Variants in ZNF862 observed in about 807,000 individuals in gnomAD.
The protein encoded by ZNF862 is zinc finger protein 862.
A neutral mutation model predicts 91.1 loss-of-function variants in ZNF862; 64 were observed. The observed-to-expected ratio is 0.70, with a 90% CI of 0.57 to 0.87. The LOEUF is 0.87. Ranked by LOEUF, ZNF862 falls within the 40% of genes least tolerant of loss-of-function variation. The pLI is 0.00. For missense variants in ZNF862, 1,459 were observed against 1,528.0 expected (o/e 0.95, Z 0.75); for synonymous variants, 631 against 618.1 (o/e 1.02, Z -0.31).
intron 6 of ZNF862, 78 bp downstream of exon 6, chr7:149,859,604 C>CATCAGGGACTGGGTCT: frequency 8.3e-7 from 1 of 1,211,898 alleles, no homozygotes. Context: ...AGCATGAGCT[C>CATCAGGGACTGGGTCT]AGCTGTGCTC....
chr7:149,859,325 A>T, intron 5 of ZNF862, 97 bp from the exon 6 acceptor site: 1 of 1,097,614 alleles, frequency 9.1e-7, no homozygotes, highest in Non-Finnish European at 1.4e-6. Context: ...GAACCCAGAG[A>T]CACCTCTGTG....
At position 149,841,052 on chromosome 7, in the gene ZNF862, C is replaced by T. The variant is rs920426113; in HGVS notation, c.24+2417C>T. The T allele has an allele frequency of 3.0e-5, 30 of 985,412 alleles. No individual in the cohort carries two copies. The East Asian group carries it at 3.4e-3, about 112-fold the overall frequency. 61.0% of individuals were successfully genotyped at this position (985,412 alleles called of 1,614,324 possible). On this transcript the variant is annotated intron_variant, in intron 1 of 7. Transcript: ENST00000223210. ...AGGGTATCTCAGAAAGGTGCTCACC[C>T]TTCCCAAAGATAGTTGTTTTCTAAT...
At chr7:149,848,515 A>G in intron 4 of ZNF862, 83 bp downstream of exon 4, 1 of 1,159,368 alleles carries the variant, frequency 8.6e-7, no homozygotes, top group Non-Finnish European at 1.2e-6. Flanking sequence ...GATGATGGAA[A>G]AAAGAATACT....
At chr7:149,846,981 G>C (rs1321238717) in intron 3 of ZNF862, among the ~76,000 whole-genome samples, 1 of 152,158 alleles carries the variant, frequency 6.6e-6, no homozygotes, top group African/African-American at 2.4e-5. Context: ...CCAGTCTGTT[G>C]GCCTGGCACA....
Position 149,859,471 on chromosome 7 carries a change from T to A in ZNF862, c.1167T>A (p.Ala389=). 1 of 1,589,328 alleles carries A rather than the reference T, an allele frequency of 6.3e-7. No homozygotes were observed. Among genetic ancestry groups the A allele is most frequent in the South Asian group, 1.2e-5 (1 of 86,832 alleles). The change falls in exon 6 of 8, where the codon GCT becomes GCA. Residue 389 remains alanine, a synonymous_variant. Transcript: ENST00000223210. ...PDLISKLERR[A]APWIKDPNGP... ...TGATCTCCAAACTGGAGCGGAGGGC[T>A]GCACCCTGGATCAAGGACCCAAATG... is the stretch of plus-strand genomic sequence containing the variant.
chr7:149,849,859 C>G (rs1279114316), intron 4 of ZNF862, among the ~76,000 whole-genome samples: 3 of 152,190 alleles, frequency 2.0e-5, no homozygotes, highest in African/African-American at 7.2e-5. Context: ...GGAGGCAGCT[C>G]TCAGGACTCT....
chr7:149,841,820 C>T, intron 1 of ZNF862: 1 of 924,756 alleles, frequency 1.1e-6, no homozygotes, highest in Non-Finnish European at 1.3e-6. Context: ...TCTATTATTG[C>T]ACTTATATCT....
intron 4 of ZNF862, among the ~76,000 whole-genome samples, chr7:149,849,371 A>G (rs1433223409): frequency 6.6e-6 from 1 of 152,190 alleles, no homozygotes; most frequent in African/African-American, 2.4e-5. Context: ...GCTGGGCACT[A>G]AAGTACTCTA....
rs753240531 is a variant in ZNF862, at chr7:149,844,580, T to G, written c.25-45T>G. 9 of 1,420,058 alleles carry G rather than the reference T, an allele frequency of 6.3e-6. No individual in the cohort carries two copies. The African/African-American group carries it at 1.1e-4, about 18-fold the overall frequency. 88.0% of individuals were successfully genotyped at this position (1,420,058 alleles called of 1,614,324 possible). A position where few individuals can be genotyped will look rare whatever the true frequency, so the allele number is the denominator to read the frequency against. On this transcript the variant is annotated intron_variant, in intron 1 of 7. Coordinates refer to ENST00000223210, the MANE Select transcript of ZNF862 (RefSeq NM_001099220.3). ...GTCAGGAACACTTTTGGAAGATAAA[T>G]CTAAGGAAGAGAGTGGTACTTAGCA...
At chr7:149,852,736 T>A (rs1802109081) in intron 5 of ZNF862, 1 of 151,850 alleles carries the variant, frequency 6.6e-6, no homozygotes, top group Non-Finnish European at 1.5e-5. Context: ...ATCCCACTGT[T>A]AAGAAACTAA....
At chr7:149,857,765 T>G (rs905710482) in intron 5 of ZNF862, among the ~76,000 whole-genome samples, 1 of 152,114 alleles carries the variant, frequency 6.6e-6, no homozygotes, top group Admixed American at 6.5e-5. Flanking sequence ...CATAGATCTT[T>G]TGAGGGGAGA....
chr7:149,848,862 G>A (rs1332021744), intron 4 of ZNF862, among the ~76,000 whole-genome samples: 1 of 152,180 alleles, frequency 6.6e-6, no homozygotes, highest in African/African-American at 2.4e-5. Context: ...GGACTGTGGT[G>A]TGATCATAGC....
chr7:149,847,191 T>G (rs979554995), intron 3 of ZNF862, among the ~76,000 whole-genome samples: 2 of 152,216 alleles, frequency 1.3e-5, no homozygotes, highest in Admixed American at 6.5e-5. Flanking sequence ...GGAATTAGAC[T>G]TGAGTTTCTC....
At chr7:149,845,996 C>A (rs941535913) in intron 2 of ZNF862, among the ~76,000 whole-genome samples, 155 bp from the exon 3 acceptor site, 2 of 152,220 alleles carry the variant, frequency 1.3e-5, no homozygotes, top group African/African-American at 4.8e-5. Flanking sequence ...AACCACTGTG[C>A]TGAACCACCA....
At chr7:149,863,301 C>T (rs1428186992) in intron 7 of ZNF862, among the ~76,000 whole-genome samples, 2 of 143,294 alleles carry the variant, frequency 1.4e-5, no homozygotes, top group Non-Finnish European at 2.9e-5. Flanking sequence ...TCTCTCCTCG[C>T]GTCTCTAGCT....
At chr7:149,853,245 T>A (rs1455586596) in intron 5 of ZNF862, among the ~76,000 whole-genome samples, 1 of 152,210 alleles carries the variant, frequency 6.6e-6, no homozygotes, top group Admixed American at 6.5e-5. Flanking sequence ...CAGAATGGAT[T>A]CATGGGATAG....
intron 1 of ZNF862, chr7:149,840,964 G>A (rs1801683264): frequency 2.0e-6 from 2 of 985,346 alleles, no homozygotes; most frequent in Non-Finnish European, 2.4e-6. Context: ...TCCGTGTCCT[G>A]TCCAACCACT....
rs1414026973 is a variant in ZNF862 at position 149,860,165 on chromosome 7, CACAAGGATT to C, written c.1223-216_1223-208del. On this transcript the variant is annotated intron_variant, in intron 6 of 7. Transcript: ENST00000223210. The stretch of plus-strand genomic sequence containing the variant: ...TGGTTGGGGCGCTGGTGAAAGAACC[CACAAGGATT>C]AGCAACAACTCTGGGGGAGCCAGAT... 28 of 562,384 alleles carry C rather than the reference CACAAGGATT, an allele frequency of 5.0e-5. No homozygotes were observed. The Admixed American group carries it at 8.9e-4, about 18-fold the overall frequency. The allele number at this position is 562,384 out of a possible 1,614,324, so 34.8% of individuals were successfully genotyped here.
rs546162286 is a variant in ZNF862 at position 149,850,351 on chromosome 7, C to T, written c.1117+13C>T. The T allele has an allele frequency of 8.1e-6, 13 of 1,601,084 alleles. No homozygotes were observed. The highest frequency in any genetic ancestry group is 4.5e-5 in the South Asian group (4 of 89,868). ...TTGGCATCCTTGGGTAAAGACGCAC[C>T]GAGCCTCTTATTCACCACCCTCCTT... On this transcript the variant is annotated intron_variant, in intron 5 of 7. Transcript: ENST00000223210. This position sits in a 1 kb window ranked among gnomAD's most constrained non-coding sequence, Gnocchi z 4.2.
Sources: allele counts gnomAD v4.1 joint callset (sites outside exome capture counted in the v4.1 genomes callset), GRCh38; gene constraint gnomAD v4.1.1; non-coding constraint Gnocchi (gnomAD v3.1); transcripts MANE v1.5; gene names NCBI Gene and HGNC (gene_info 2026-07-23, HGNC 2026-07-21).